Variants in PDE4D observed in about 807,000 individuals in gnomAD.
PDE4D encodes 3',5'-cyclic-AMP phosphodiesterase 4D.
In PDE4D, 24 loss-of-function variants were observed where a neutral mutation model predicts 87.4. The observed-to-expected ratio is 0.27, with a 90% CI of 0.20 to 0.39. PDE4D has a LOEUF of 0.39. Among genes scored for constraint, PDE4D ranks in the 10% least tolerant of loss-of-function variants. PDE4D has a pLI of 1.00. For synonymous variants in PDE4D, 384 were observed against 383.2 expected (o/e 1.00, Z -0.02); for missense variants, 714 against 1,041.0 (o/e 0.69, Z 4.32).
At chr5:59,510,653 G>T (rs940138164) in intron 1 of PDE4D, among the ~76,000 whole-genome samples, 1 of 151,654 alleles carries the variant, frequency 6.6e-6, no homozygotes, top group Non-Finnish European at 1.5e-5. Context: ...TTTAAAGGAG[G>T]CATGACTTAC....
In PDE4D at chr5:59,185,176, A is replaced by T. The variant is rs755741846; in HGVS notation, c.758+13T>A. 1.2e-6 allele frequency: 2 copies of T among 1,603,508 alleles called. No individual in the cohort carries two copies. Among genetic ancestry groups the T allele is most frequent in the Non-Finnish European group, 1.7e-6 (2 of 1,172,608 alleles). ...GTTCAGCAAAAAAGAGGGGGGAAAA[A>T]AGGATATCTTACTTGCTAGGTGCTC... On this transcript the variant is annotated intron_variant, in intron 4 of 14. Coordinates refer to ENST00000340635, the MANE Select transcript of PDE4D (RefSeq NM_001104631.2).
At position 59,222,547 on chromosome 5, in the gene PDE4D, A is replaced by G. The variant is rs143306183; in HGVS notation, c.456-6579T>C. ...AGCAGCCTCCATTACCGAAGCATCT[A>G]TGAAGGCCACTCACAGGGAAGATCT... On this transcript the variant is annotated intron_variant, in intron 1 of 14. Coordinates refer to ENST00000340635, the MANE Select transcript of PDE4D (RefSeq NM_001104631.2). Among the ~76,000 whole-genome samples the G allele has an allele frequency of 2.9e-3, 443 of 152,268 alleles. 1 individual carries two copies. The highest frequency in any genetic ancestry group is 0.01 in the African/African-American group (419 of 41,570).
intron 1 of PDE4D, among the ~76,000 whole-genome samples, chr5:59,281,574 T>C (rs1337201386): frequency 2.0e-5 from 3 of 152,106 alleles, no homozygotes; most frequent in African/African-American, 4.8e-5. Context: ...TCACGTAAAA[T>C]TGACATTTTA....
chr5:60,274,752 G>T (rs1164230291), intron 1 of PDE4D, among the ~76,000 whole-genome samples: 1 of 152,212 alleles, frequency 6.6e-6, no homozygotes, highest in Non-Finnish European at 1.5e-5. Flanking sequence ...CATTCAGATT[G>T]CTTGGGCTAT....
At chr5:59,263,989 A>G (rs890549914) in intron 1 of PDE4D, among the ~76,000 whole-genome samples, 3 of 152,044 alleles carry the variant, frequency 2.0e-5, no homozygotes, top group Non-Finnish European at 4.4e-5. Context: ...CAATATTTAT[A>G]TGTTCTTCAT....
chr5:59,443,542 G>A (rs532861144), intron 1 of PDE4D, among the ~76,000 whole-genome samples: 268 of 152,272 alleles, frequency 1.8e-3, no homozygotes, highest in Middle Eastern at 0.01. Flanking sequence ...ATTATATGGA[G>A]ACAGAAAAGG....
chr5:60,103,172 G>C (rs552767018), intron 2 of PDE4D, among the ~76,000 whole-genome samples: 95 of 152,314 alleles, frequency 6.2e-4, no homozygotes, highest in African/African-American at 2.3e-3. Flanking sequence ...AATGCAGTCA[G>C]TGTTGCTGAC....
intron 1 of PDE4D, among the ~76,000 whole-genome samples, chr5:59,676,445 C>T (rs1748095962): frequency 6.6e-6 from 1 of 152,130 alleles, no homozygotes; most frequent in South Asian, 2.1e-4. Flanking sequence ...TGTTTGGGAA[C>T]AGTCAACTTT....
chr5:60,469,129 T>A (rs553600994), intron 1 of PDE4D, among the ~76,000 whole-genome samples: 46 of 152,266 alleles, frequency 3.0e-4, no homozygotes, highest in African/African-American at 1.1e-3. Context: ...TAAATAAGCA[T>A]CTGTCCTCAC....
intron 5 of PDE4D, among the ~76,000 whole-genome samples, chr5:59,113,015 G>A (rs983654366): frequency 6.6e-6 from 1 of 151,796 alleles, no homozygotes; most frequent in African/African-American, 2.4e-5. Context: ...TGGTCAGGCT[G>A]GTCTCAAACT....
intron 1 of PDE4D, among the ~76,000 whole-genome samples, chr5:59,419,781 A>C (rs1309618895): frequency 1.3e-5 from 2 of 152,216 alleles, no homozygotes; most frequent in African/African-American, 4.8e-5. Flanking sequence ...AAACATAGAT[A>C]CATCTTTTGA....
At chr5:59,642,545 G>T (rs1171357787) in intron 1 of PDE4D, among the ~76,000 whole-genome samples, 1 of 152,088 alleles carries the variant, frequency 6.6e-6, no homozygotes, top group Non-Finnish European at 1.5e-5. Context: ...AGATCTGATG[G>T]TTTTATCAGG....
intron 2 of PDE4D, among the ~76,000 whole-genome samples, chr5:60,075,205 A>G (rs1773158539): frequency 3.9e-5 from 6 of 152,172 alleles, no homozygotes; most frequent in Admixed American, 3.9e-4. Flanking sequence ...AGGCAGGTCT[A>G]TGATAAGGAA....
Position 59,126,595 on chromosome 5 carries a change from T to C in PDE4D, c.808+54000A>G, listed in dbSNP as rs190449674. Among the ~76,000 whole-genome samples the C allele has an allele frequency of 7.2e-5, 11 of 152,336 alleles. No homozygotes were observed. The East Asian group carries it at 2.1e-3, about 29-fold the overall frequency. ...ACGAAGAATCATTACTGTGCATATC[T>C]CTCGAGGGCTGCTCCTCTAGTATCA... is the stretch of plus-strand genomic sequence containing the variant. On this transcript the variant is annotated intron_variant, in intron 5 of 14. Transcript: ENST00000340635.
chr5:59,943,178 T>C (rs780701017), intron 3 of PDE4D, among the ~76,000 whole-genome samples: 3 of 149,642 alleles, frequency 2.0e-5, no homozygotes, highest in Non-Finnish European at 3.0e-5. Flanking sequence ...AAAGGTGTAA[T>C]TTTCCAAAGG....
chr5:60,430,524 G>GTGT (rs1179759645), intron 1 of PDE4D, among the ~76,000 whole-genome samples: 28 of 124,444 alleles, frequency 2.3e-4, no homozygotes, highest in African/African-American at 9.4e-4. Context: ...TTTCTTTTTT[G>GTGT]TTTGTGTTTT....
chr5:59,899,889 T>C (rs1226847839), intron 3 of PDE4D, among the ~76,000 whole-genome samples: 3 of 152,188 alleles, frequency 2.0e-5, no homozygotes, highest in East Asian at 3.8e-4. Context: ...GTAAGGACTT[T>C]GGATTTCTGA....
intron 1 of PDE4D, among the ~76,000 whole-genome samples, chr5:59,584,975 T>C (rs1303133055): frequency 6.6e-6 from 1 of 152,112 alleles, no homozygotes; most frequent in Non-Finnish European, 1.5e-5. Flanking sequence ...ATGAGGACCT[T>C]ATTGCTGATG....
intron 4 of PDE4D, 23 bp downstream of exon 4, chr5:59,185,166 G>T: frequency 6.3e-7 from 1 of 1,584,630 alleles, no homozygotes; most frequent in Non-Finnish European, 8.7e-7. Context: ...GCAAAAAAGA[G>T]GGGGGAAAAA....
Sources: gnomAD v4.1 joint callset for allele counts (sites outside exome capture counted in the v4.1 genomes callset) on GRCh38, gnomAD v4.1.1 for gene constraint, MANE v1.5 for transcripts, NCBI Gene and HGNC (gene_info 2026-07-23, HGNC 2026-07-21) for gene names.